CRHBP: variants seen among roughly 807,000 people sequenced by gnomAD.
The protein encoded by CRHBP is corticotropin releasing hormone binding protein.
In CRHBP, 19 loss-of-function variants were observed where a neutral mutation model predicts 34.9. That is an observed-to-expected ratio of 0.55 (90% CI 0.38 to 0.80). CRHBP has a LOEUF of 0.80. Ranked by LOEUF, CRHBP falls within the 30% of genes least tolerant of loss-of-function variation. The pLI, the probability that CRHBP is intolerant of heterozygous loss-of-function variation, is 0.00. For missense variants in CRHBP, 328 were observed against 409.2 expected, an observed-to-expected ratio of 0.80 and a Z score of 1.71; for synonymous variants, 154 against 153.4, an observed-to-expected ratio of 1.00 and a Z score of -0.03.
chr5:76,975,825 A>AAAAAAATATATATATATATATATAT, intron 2 of CRHBP, among the ~76,000 whole-genome samples: 4 of 61,838 alleles, frequency 6.5e-5, no homozygotes, highest in Non-Finnish European at 1.1e-4. Flanking sequence ...AAAAAAAAAA[A>AAAAAAATATATATATATATATATAT]ATATATATAT....
rs376822831 is a variant in CRHBP at position 76,958,902 on chromosome 5, C to G, written c.693+13C>G. ...TCTTCAGTTAAAGGTGAGTTGCTTA[C>G]TTGTTTCCTAACCGTTTGATAAGGC... On this transcript the variant is annotated intron_variant, in intron 5 of 6. Transcript: ENST00000274368. 56 of 1,612,448 alleles carry G rather than the reference C, an allele frequency of 3.5e-5. No individual in the cohort carries two copies. The highest frequency in any genetic ancestry group is 1.9e-4 in the African/African-American group (14 of 74,892).
At chr5:76,958,385 C>A (rs573116363) in intron 4 of CRHBP, among the ~76,000 whole-genome samples, 2 of 152,140 alleles carry the variant, frequency 1.3e-5, no homozygotes, top group Admixed American at 1.3e-4. Flanking sequence ...TTCCAGATTC[C>A]TAGCTTTAAG....
At position 76,954,154 on chromosome 5, in the gene CRHBP, T is replaced by G. The variant is rs1386691124; in HGVS notation, c.301T>G (p.Ser101Ala). Reference sequence around the variant, plus strand: ...CATTACCATCCACTACGACCAGGTCTCCATCGACTGTCAGGGCGGCGACTT... The same window carrying G: ...CATTACCATCCACTACGACCAGGTCGCCATCGACTGTCAGGGCGGCGACTT... ...EFITIHYDQV[S>A]IDCQGGDFLK... The change falls in exon 3 of 7, where the codon TCC becomes GCC. Residue 101 changes from serine to alanine, a missense_variant. Physicochemically the swap from Ser to Ala is moderately conservative, Grantham distance 99 (BLOSUM62 1). Transcript: ENST00000274368. The G allele has an allele frequency of 1.2e-6, 2 of 1,613,744 alleles. No homozygotes were observed. Among genetic ancestry groups the G allele is most frequent in the South Asian group, 2.2e-5 (2 of 91,046 alleles).
chr5:76,973,802 G>T (rs1368955661), downstream of CRHBP, among the ~76,000 whole-genome samples: 1 of 97,390 alleles, frequency 1.0e-5, no homozygotes, highest in Non-Finnish European at 2.0e-5. Flanking sequence ...AACTTCTCTT[G>T]CTTGCTATTT....
chr5:76,962,447 A>G (rs1020207791), intron 5 of CRHBP, among the ~76,000 whole-genome samples: 6 of 152,048 alleles, frequency 3.9e-5, no homozygotes, highest in African/African-American at 1.4e-4. Context: ...TGTGTTGGAA[A>G]GTGAGGCACG....
intron 5 of CRHBP, among the ~76,000 whole-genome samples, chr5:76,961,705 T>A (rs1745777503): frequency 6.6e-6 from 1 of 152,188 alleles, no homozygotes; most frequent in African/African-American, 2.4e-5. Context: ...ATTTGCTGTT[T>A]AGTTCCAGTT....
chr5:76,964,139 G>T (rs1186053157), intron 6 of CRHBP, among the ~76,000 whole-genome samples: 13 of 151,986 alleles, frequency 8.6e-5, no homozygotes, highest in Admixed American at 8.5e-4. Context: ...GGATGGATGG[G>T]ACTTCATGAC....
chr5:76,974,798 G>C (rs1346061191), intron 2 of CRHBP, among the ~76,000 whole-genome samples: 1 of 151,996 alleles, frequency 6.6e-6, no homozygotes, highest in Admixed American at 6.6e-5. Flanking sequence ...CATTTGTTAA[G>C]ACAAACTACA....
chr5:76,953,940 G>A, intron 2 of CRHBP, 89 bp from the exon 3 acceptor site: 1 of 1,486,050 alleles, frequency 6.7e-7, no homozygotes, highest in Non-Finnish European at 9.0e-7. Flanking sequence ...ACAGAGCCCG[G>A]GAATGGGGCG....
At chr5:76,968,366 A>G (rs989385010) in intron 6 of CRHBP, among the ~76,000 whole-genome samples, 1 of 152,124 alleles carries the variant, frequency 6.6e-6, no homozygotes, top group Non-Finnish European at 1.5e-5. Context: ...GCAATCCCTG[A>G]ACCCGAGCAA....
intron 3 of CRHBP, among the ~76,000 whole-genome samples, chr5:76,954,549 A>C (rs1454873289): frequency 1.3e-5 from 2 of 152,164 alleles, no homozygotes; most frequent in African/African-American, 4.8e-5. Context: ...TTAAAACCCA[A>C]CAAGCTCGAG....
At chr5:76,975,900 ATG>A (rs1276130177) in intron 2 of CRHBP, among the ~76,000 whole-genome samples, 4 of 134,272 alleles carry the variant, frequency 3.0e-5, no homozygotes, top group Non-Finnish European at 4.7e-5. Context: ...ACGTGTATAT[ATG>A]TGTGTATATA....
chr5:76,962,705 T>C (rs953600137), intron 5 of CRHBP, among the ~76,000 whole-genome samples: 1 of 152,118 alleles, frequency 6.6e-6, no homozygotes, highest in Non-Finnish European at 1.5e-5. Context: ...TTGAGTAGCT[T>C]GAAATAAATT....
intron 4 of CRHBP, 93 bp downstream of exon 4, chr5:76,955,956 G>A: frequency 3.6e-6 from 4 of 1,123,746 alleles, no homozygotes; most frequent in Non-Finnish European, 5.0e-6. Context: ...TTTGAACTGA[G>A]GAATGATTTG....
chr5:76,970,191 C>T (rs1263113333), downstream of CRHBP, among the ~76,000 whole-genome samples: 1 of 152,020 alleles, frequency 6.6e-6, no homozygotes, highest in East Asian at 1.9e-4. Context: ...AGTGATCTAC[C>T]AGCCTTGGCC....
chr5:76,963,888 T>C (rs183323674), intron 6 of CRHBP, among the ~76,000 whole-genome samples: 1 of 152,332 alleles, frequency 6.6e-6, no homozygotes, highest in African/African-American at 2.4e-5. Flanking sequence ...GTGTTACTCA[T>C]AGTAAATAAA....
chr5:76,971,674 C>T (rs1745949759), downstream of CRHBP, among the ~76,000 whole-genome samples: 1 of 152,228 alleles, frequency 6.6e-6, no homozygotes, highest in African/African-American at 2.4e-5. Context: ...CCCCTGTCTG[C>T]AGGCACTGCA....
chr5:76,956,194 G>T (rs1410490698), intron 4 of CRHBP, among the ~76,000 whole-genome samples: 1 of 152,148 alleles, frequency 6.6e-6, no homozygotes, highest in African/African-American at 2.4e-5. Context: ...TCCAGGATAA[G>T]CTTGAGTGAT....
At chr5:76,975,515 G>C (rs1328881723) in intron 2 of CRHBP, among the ~76,000 whole-genome samples, 1 of 151,690 alleles carries the variant, frequency 6.6e-6, no homozygotes, top group East Asian at 1.9e-4. Flanking sequence ...AAGAGTATTA[G>C]GTCCTGGCCA....
Sources: gnomAD v4.1 joint callset for allele counts (sites outside exome capture counted in the v4.1 genomes callset) on GRCh38, gnomAD v4.1.1 for gene constraint, MANE v1.5 for transcripts, NCBI Gene and HGNC (gene_info 2026-07-23, HGNC 2026-07-21) for gene names.